CCM2: variants seen among roughly 807,000 people sequenced by gnomAD.
CCM2 encodes the protein cerebral cavernous malformations 2 protein.
In CCM2, 25 loss-of-function variants were observed where a neutral mutation model predicts 44.9. That is an observed-to-expected ratio of 0.56 (90% CI 0.41 to 0.78). CCM2 has a LOEUF of 0.78. CCM2 is among the 30% of genes least tolerant of loss of function. The probability of loss-of-function intolerance (pLI) is 0.00; values close to 1 mark genes in which losing one functional copy is unlikely to be tolerated. For synonymous variants in CCM2, 219 were observed against 241.1 expected (o/e 0.91, Z 0.85); for missense variants, 481 against 580.6 (o/e 0.83, Z 1.76).
At chr7:45,033,592 G>A (rs1797069468) in intron 1 of CCM2, among the ~76,000 whole-genome samples, 1 of 152,186 alleles carries the variant, frequency 6.6e-6, no homozygotes, top group Non-Finnish European at 1.5e-5. Flanking sequence ...AATGAGCTTT[G>A]GGGGCTAGCA....
chr7:45,050,863 G>A (rs1246579523), intron 2 of CCM2, among the ~76,000 whole-genome samples: 1 of 152,194 alleles, frequency 6.6e-6, no homozygotes, highest in Non-Finnish European at 1.5e-5. Flanking sequence ...TGGGGATCAT[G>A]TTCCACTGAT....
At chr7:45,010,218 AC>A (rs1263043893) in intron 1 of CCM2, among the ~76,000 whole-genome samples, 1 of 152,196 alleles carries the variant, frequency 6.6e-6, no homozygotes, top group African/African-American at 2.4e-5. Context: ...GCCAAATAAT[AC>A]ACATCTTCAG....
intron 1 of CCM2, among the ~76,000 whole-genome samples, chr7:45,001,823 T>C (rs910813483): frequency 6.6e-6 from 1 of 152,200 alleles, no homozygotes; most frequent in Non-Finnish European, 1.5e-5. Flanking sequence ...AGTAAAATTA[T>C]CAAGAATTTT....
At chr7:45,043,465 C>T (rs1473635387) in intron 2 of CCM2, among the ~76,000 whole-genome samples, 1 of 152,014 alleles carries the variant, frequency 6.6e-6, no homozygotes, top group Non-Finnish European at 1.5e-5. Context: ...AAATTATACA[C>T]CGTGAACAAG....
At chr7:45,049,467 C>T (rs34616733) in intron 2 of CCM2, among the ~76,000 whole-genome samples, 5,024 of 152,230 alleles carry the variant, frequency 0.033, 123 homozygotes, top group South Asian at 0.14. Context: ...CTGTTTGCAC[C>T]TTGCTTTTTA....
In CCM2 at chr7:45,000,360, G is replaced by A. The variant is rs1258209042; in HGVS notation, c.27G>A (p.Lys9=). ...TGGAAGAGGAGGGCAAGAAGGGCAA[G>A]AAGGTGAGCGTGCGCGGGGGCGTCC... The part of the protein sequence containing the change: MEEEGKKG[K]KPGIVSPFKR... The change falls in exon 1 of 10, where the codon AAG becomes AAA. Residue 9 remains lysine, a synonymous_variant. Coordinates refer to ENST00000258781, the MANE Select transcript of CCM2 (RefSeq NM_031443.4). The A allele has an allele frequency of 7.7e-7, 1 of 1,305,024 alleles. No individual in the cohort carries two copies. Among genetic ancestry groups the A allele is most frequent in the Non-Finnish European group, 9.8e-7 (1 of 1,018,418 alleles). The allele number at this position is 1,305,024 out of a possible 1,614,324, so 80.8% of individuals were successfully genotyped here. A position where few individuals can be genotyped will look rare whatever the true frequency, so the allele number is the denominator to read the frequency against.
chr7:45,072,801 C>T lies in CCM2; in HGVS notation c.803+18C>T, dbSNP rs1799142656. 6.2e-7 allele frequency: 1 copy of T among 1,605,982 alleles called. No individual in the cohort carries two copies. On this transcript the variant is annotated intron_variant, in intron 7 of 9. Transcript: ENST00000258781. ...AGCACTTTGTGAGTGCACATGCCAC[C>T]AAGCCCTGCGGTGGGACACGCACCA...
chr7:45,067,533 T>C (rs926736078), intron 4 of CCM2: 4 of 152,226 alleles, frequency 2.6e-5, no homozygotes, highest in African/African-American at 9.7e-5. Context: ...ATATAATCAA[T>C]ATAAAAATCG....
At chr7:45,074,884 A>G (rs1393439397) in intron 9 of CCM2, among the ~76,000 whole-genome samples, 1 of 152,206 alleles carries the variant, frequency 6.6e-6, no homozygotes, top group Non-Finnish European at 1.5e-5. Flanking sequence ...TCTGAGCAGC[A>G]GAGTTGGATG....
At chr7:45,036,243 T>C (rs554637857) in intron 1 of CCM2, among the ~76,000 whole-genome samples, 33 of 152,216 alleles carry the variant, frequency 2.2e-4, no homozygotes, top group Middle Eastern at 3.4e-3. Flanking sequence ...TCTGTTGTGT[T>C]TTTTGTTTTC....
At chr7:45,018,960 A>G (rs148665019) in intron 1 of CCM2, among the ~76,000 whole-genome samples, 1,892 of 150,354 alleles carry the variant, frequency 0.013, 34 homozygotes, top group African/African-American at 0.043. Context: ...TGGTTTTGCC[A>G]TGTTGACCAG....
chr7:45,073,828 G>A, intron 8 of CCM2: 1 of 568,914 alleles, frequency 1.8e-6, no homozygotes, highest in South Asian at 2.2e-5. Flanking sequence ...GGGTCCTGGG[G>A]GAGGGGAGGG....
chr7:45,003,709 C>T (rs887273684), intron 1 of CCM2, among the ~76,000 whole-genome samples: 2 of 141,514 alleles, frequency 1.4e-5, no homozygotes, highest in Non-Finnish European at 3.0e-5. Context: ...GCCTGGGCAA[C>T]AGGGCAAGAC....
intron 1 of CCM2, among the ~76,000 whole-genome samples, chr7:45,004,844 A>G (rs540737726): frequency 1.1e-4 from 16 of 152,182 alleles, no homozygotes; most frequent in South Asian, 2.1e-4. Flanking sequence ...TAAAAATACA[A>G]AAATTAGCTG....
At chr7:45,040,538 T>C (rs1797440709) in intron 2 of CCM2, among the ~76,000 whole-genome samples, 1 of 151,960 alleles carries the variant, frequency 6.6e-6, no homozygotes, top group Admixed American at 6.6e-5. Context: ...GAGAAGAAGT[T>C]ATTAAGACAG....
chr7:45,076,048 C>T lies in CCM2; in HGVS notation c.1326C>T (p.Asp442=), dbSNP rs575724801. The T allele has an allele frequency of 1.8e-4, 285 of 1,612,914 alleles. No individual in the cohort carries two copies. The highest frequency in any genetic ancestry group is 2.3e-4 in the Non-Finnish European group (273 of 1,180,050). The change falls in exon 10 of 10, where the codon GAC becomes GAT. Residue 442 remains aspartate (D), a synonymous_variant. Transcript: ENST00000258781. ...CGCTGGGCTGCAGCATGGACCAGGA[C>T]TCAGCATGATGGACAGTGGATGGGG... ...IEALGCSMDQ[D]SA
chr7:45,024,733 G>A (rs1453051194), intron 1 of CCM2, among the ~76,000 whole-genome samples: 1 of 152,110 alleles, frequency 6.6e-6, no homozygotes, highest in Non-Finnish European at 1.5e-5. Flanking sequence ...CATTTATCAG[G>A]ATACATCTGA....
chr7:45,072,838 T>C (rs929611626), intron 7 of CCM2, 55 bp downstream of exon 7: 1 of 1,447,992 alleles, frequency 6.9e-7, no homozygotes, highest in East Asian at 2.3e-5. Flanking sequence ...ATGCGTTGTC[T>C]GGTGTTGTCC....
At chr7:45,013,752 C>T (rs1244983360) in intron 1 of CCM2, among the ~76,000 whole-genome samples, 1 of 152,090 alleles carries the variant, frequency 6.6e-6, no homozygotes, top group Non-Finnish European at 1.5e-5. Flanking sequence ...TGAAATGGTT[C>T]CTAGTCTTTT....
Sources: allele counts gnomAD v4.1 joint callset (sites outside exome capture counted in the v4.1 genomes callset), GRCh38; gene constraint gnomAD v4.1.1; transcripts MANE v1.5; gene names NCBI Gene and HGNC (gene_info 2026-07-23, HGNC 2026-07-21).